SLC1A5: variants seen among roughly 807,000 people sequenced by gnomAD.
The protein encoded by SLC1A5 is solute carrier family 1 member 5.
SLC1A5 carries 25 observed loss-of-function variants against 34.9 expected under a neutral mutation model. That is an observed-to-expected ratio of 0.72 (90% CI 0.52 to 1.00). The LOEUF (loss-of-function observed/expected upper bound fraction) is 1.00, where lower values mean the gene tolerates loss of function less well. Among genes scored for constraint, SLC1A5 ranks in the 50% least tolerant of loss-of-function variants. The pLI is 0.00. For synonymous variants in SLC1A5, 351 were observed against 341.2 expected, an observed-to-expected ratio of 1.03 and a Z score of -0.32; for missense variants, 637 against 740.0, an observed-to-expected ratio of 0.86 and a Z score of 1.61.
chr19:46,784,709 G>A, intron 1 of SLC1A5, 150 bp from the exon 2 acceptor site: 1 of 1,548,892 alleles, frequency 6.5e-7, no homozygotes, highest in Admixed American at 2.0e-5. Flanking sequence ...CCTCAGCCCG[G>A]CAGGGTTGGA....
chr19:46,778,060 G>A lies in SLC1A5; in HGVS notation c.1058+615C>T, dbSNP rs377370067. On this transcript the variant is annotated intron_variant, in intron 5 of 7. Transcript: ENST00000542575. ...AAGAATTACTATTGTCTTGGGAGGG[G>A]ACAGGGCCAGCAGGGATGAATGAAA... Among the ~76,000 whole-genome samples the A allele has an allele frequency of 8.5e-5, 13 of 152,238 alleles. No individual in the cohort carries two copies. The East Asian group carries it at 1.4e-3, about 16-fold the overall frequency.
chr19:46,781,981 C>T (rs994154848), intron 4 of SLC1A5, among the ~76,000 whole-genome samples: 7 of 152,140 alleles, frequency 4.6e-5, no homozygotes, highest in Non-Finnish European at 8.8e-5. Context: ...GCAACTTCCG[C>T]CTCCCAGGCT....
In SLC1A5 at chr19:46,775,248, A is replaced by G. The variant is rs1273301944; in HGVS notation, c.*262T>C. On this transcript the variant is annotated 3_prime_UTR_variant, in exon 8 of 8. Transcript: ENST00000542575. ...GGTCACGGTGGGGACGCAGCAGAAC[A>G]TTATTTCTCCATCTTGCTGTTTTCT... The G allele has an allele frequency of 6.7e-6, 8 of 1,196,086 alleles. No homozygotes were observed. Among genetic ancestry groups the G allele is most frequent in the Non-Finnish European group, 8.3e-6 (8 of 960,176 alleles). 74.1% of individuals were successfully genotyped at this position (1,196,086 alleles called of 1,614,324 possible). A position where few individuals can be genotyped will look rare whatever the true frequency, so the allele number is the denominator to read the frequency against.
intron 5 of SLC1A5, among the ~76,000 whole-genome samples, chr19:46,777,622 C>T (rs1314432219): frequency 6.8e-6 from 1 of 147,914 alleles, no homozygotes. Context: ...AGTTGAAGCC[C>T]CGCCCACCCA....
chr19:46,782,346 A>AACCCCCCCCCCCCCCACCCCCCCT, intron 4 of SLC1A5, 37 bp downstream of exon 4: 2 of 567,986 alleles, frequency 3.5e-6, no homozygotes, highest in South Asian at 1.8e-5. Flanking sequence ...CGACCCTCCA[A>AACCCCCCCCCCCCCCACCCCCCCT]CCCCACCCAC....
In SLC1A5 at chr19:46,777,104, G is replaced by A. The variant is rs753046076; in HGVS notation, c.1259C>T (p.Thr420Met). 6.2e-6 allele frequency: 10 copies of A among 1,613,510 alleles called. No individual in the cohort carries two copies. Among genetic ancestry groups the A allele is most frequent in the Middle Eastern group, 1.6e-4 (1 of 6,084 alleles). Residue 420 changes from threonine to methionine, a missense_variant, in exon 7 of 8, where the codon ACG becomes ATG. By Grantham distance (81) the Thr-to-Met change is moderately conservative. Transcript: ENST00000542575. ...TGCCCCCACGCTGGACGCTGTGGCC[G>A]TGACCCTGAGGGAGAAGGTGGGAGG... ...DFVKIITILVTATASSVGAAG... is the reference protein window; with the variant it reads ...DFVKIITILVMATASSVGAAG...
At chr19:46,785,444 G>C (rs1361996629) in intron 1 of SLC1A5, among the ~76,000 whole-genome samples, 1 of 152,196 alleles carries the variant, frequency 6.6e-6, no homozygotes, top group Admixed American at 6.5e-5. Flanking sequence ...ATTTTGGCCT[G>C]TGCTTGACAC....
chr19:46,784,658 T>C (rs975167316), intron 1 of SLC1A5, 99 bp from the exon 2 acceptor site: 5 of 1,610,222 alleles, frequency 3.1e-6, no homozygotes, highest in Non-Finnish European at 4.2e-6. Context: ...GAGTGGAAGC[T>C]TTGGGGGCCC....
chr19:46,780,842 G>A (rs971543742), intron 4 of SLC1A5, among the ~76,000 whole-genome samples: 2 of 151,952 alleles, frequency 1.3e-5, no homozygotes, highest in African/African-American at 4.8e-5. Context: ...ATGGTGGTTC[G>A]TGCCTTTGGT....
chr19:46,782,351 A>AAACCCCCC, intron 4 of SLC1A5, 32 bp downstream of exon 4: 1 of 256,184 alleles, frequency 3.9e-6, no homozygotes, highest in East Asian at 7.3e-5. Flanking sequence ...CTCCAACCCC[A>AAACCCCCC]CCCACCCCCA....
At chr19:46,782,160 C>T (rs558849142) in intron 4 of SLC1A5, among the ~76,000 whole-genome samples, 5 of 152,146 alleles carry the variant, frequency 3.3e-5, no homozygotes, top group Admixed American at 1.3e-4. Flanking sequence ...CCCAAAGTGC[C>T]GTTCCCATTT....
At chr19:46,782,574 T>G (rs745476737) in intron 3 of SLC1A5, 25 bp from the exon 4 acceptor site, 1 of 1,612,202 alleles carries the variant, frequency 6.2e-7, no homozygotes, top group South Asian at 1.1e-5. Context: ...CAGATCGGGG[T>G]GGAAAGGACA....
Position 46,787,400 on chromosome 19 carries a change from C to G in SLC1A5, c.566G>C (p.Arg189Thr). 1.3e-6 allele frequency: 2 copies of G among 1,593,928 alleles called. No homozygotes were observed. The highest frequency in any genetic ancestry group is 1.7e-6 in the Non-Finnish European group (2 of 1,171,254). Residue 189 changes from arginine (R) to threonine (T), a missense_variant and splice_region_variant, in exon 1 of 8, where the codon AGA becomes ACA. Physicochemically the swap from Arg to Thr is moderately conservative, Grantham distance 71. Coordinates refer to ENST00000542575, the MANE Select transcript of SLC1A5 (RefSeq NM_005628.3). This position sits in a 1 kb window ranked among gnomAD's most constrained non-coding sequence, Gnocchi z 5.2. ...ACCTCCCGGGGGAGCGGGAGCTGAC[C>G]TCGCAAGATCCAGGAACGAATCGAG... ...EVLDSFLDLA[R>T]NIFPSNLVSA...
At chr19:46,785,312 G>C (rs1223698756) in intron 1 of SLC1A5, among the ~76,000 whole-genome samples, 1 of 152,156 alleles carries the variant, frequency 6.6e-6, no homozygotes, top group African/African-American at 2.4e-5. Flanking sequence ...GCCCGAGGAG[G>C]TTGAGGCTGC....
At chr19:46,777,605 C>A (rs2055104409) in intron 5 of SLC1A5, among the ~76,000 whole-genome samples, 200 bp from the exon 6 acceptor site, 1 of 150,244 alleles carries the variant, frequency 6.7e-6, no homozygotes, top group South Asian at 2.1e-4. Flanking sequence ...ACCTGCACCA[C>A]CCACCCAGTT....
intron 2 of SLC1A5, 130 bp downstream of exon 2, chr19:46,784,387 G>T: frequency 9.5e-7 from 1 of 1,047,254 alleles, no homozygotes; most frequent in Non-Finnish European, 1.4e-6. Flanking sequence ...CTCACAGGAG[G>T]CTCTGAGCCC....
intron 5 of SLC1A5, among the ~76,000 whole-genome samples, chr19:46,778,379 G>T (rs1486915714): frequency 6.6e-6 from 1 of 152,088 alleles, no homozygotes; most frequent in Non-Finnish European, 1.5e-5. Flanking sequence ...AGTGAGCTGA[G>T]ATCACACCAC....
Position 46,775,598 on chromosome 19 carries a change from G to A in SLC1A5, c.1538C>T (p.Pro513Leu), listed in dbSNP as rs2055080529. Reference protein sequence around the residue: ...SELPLDPLPVPTEEGNPLLKH... With the variant: ...SELPLDPLPVLTEEGNPLLKH... ...GAGGAGGGGGTTTCCTTCCTCAGTG[G>A]GGACTGGCAGCGGATCCAGGGGCAG... Residue 513 changes from proline (P) to leucine (L), a missense_variant, in exon 8 of 8, where the codon CCC (proline) becomes CTC (leucine). Transcript: ENST00000542575. The A allele has an allele frequency of 1.2e-6, 2 of 1,614,162 alleles. No individual in the cohort carries two copies. Among genetic ancestry groups the A allele is most frequent in the Non-Finnish European group, 8.5e-7 (1 of 1,180,034 alleles).
Position 46,787,701 on chromosome 19 carries a change from A to C in SLC1A5, c.265T>G (p.Phe89Val). The C allele has an allele frequency of 6.3e-7, 1 of 1,584,854 alleles. No individual in the cohort carries two copies. Among genetic ancestry groups the C allele is most frequent in the Non-Finnish European group, 8.5e-7 (1 of 1,170,124 alleles). ...AGCAGCAGCTCGCCCGGGAAGACGA[A>C]GGCGCTCAAGCGCTCCGGGCCCAAC... is the stretch of plus-strand genomic sequence containing the variant. The part of the protein sequence containing the change: ...LALGPERLSA[F>V]VFPGELLLRL... The change falls in exon 1 of 8, where the codon TTC becomes GTC. Residue 89 changes from phenylalanine (F) to valine (V), a missense_variant. Physicochemically the swap from Phe to Val is conservative, Grantham distance 50 (BLOSUM62 -1). Coordinates refer to ENST00000542575, the MANE Select transcript of SLC1A5 (RefSeq NM_005628.3). This position sits in a 1 kb window ranked among gnomAD's most constrained non-coding sequence, Gnocchi z 5.2.
Sources: gnomAD v4.1 joint callset for allele counts (sites outside exome capture counted in the v4.1 genomes callset) on GRCh38, gnomAD v4.1.1 for gene constraint, Gnocchi (gnomAD v3.1) non-coding constraint, MANE v1.5 for transcripts, NCBI Gene and HGNC (gene_info 2026-07-23, HGNC 2026-07-21) for gene names.